SNTG2: variants seen among roughly 807,000 people sequenced by gnomAD.
SNTG2 encodes gamma-2-syntrophin.
Under a neutral mutation model 70.9 loss-of-function variants are expected in SNTG2, and 74 were observed. The observed-to-expected ratio is 1.04, with a 90% CI of 0.86 to 1.27. SNTG2 has a LOEUF of 1.27. Ranked by LOEUF, SNTG2 falls within the 50% of genes most tolerant of loss-of-function variation. SNTG2 has a pLI of 0.00. For missense variants in SNTG2, 717 were observed against 690.7 expected (o/e 1.04, Z -0.43); for synonymous variants, 278 against 273.8 (o/e 1.02, Z -0.15).
At chr2:981,454 T>G (rs1661091934) in intron 1 of SNTG2, among the ~76,000 whole-genome samples, 1 of 151,630 alleles carries the variant, frequency 6.6e-6, no homozygotes, top group South Asian at 2.1e-4. Flanking sequence ...AACACACAAA[T>G]GCATATGCAC....
intron 1 of SNTG2, among the ~76,000 whole-genome samples, chr2:1,047,565 G>A (rs746766405): frequency 2.0e-4 from 31 of 152,304 alleles, no homozygotes; most frequent in Admixed American, 1.7e-3. Flanking sequence ...AGAGGGCCAA[G>A]GCTTTGTGCT....
chr2:1,174,576 A>T (rs1011157371), intron 8 of SNTG2, among the ~76,000 whole-genome samples: 4 of 152,170 alleles, frequency 2.6e-5, no homozygotes, highest in Non-Finnish European at 5.9e-5. Flanking sequence ...TGAGTGCTAG[A>T]TTATACCAGG....
chr2:1,095,098 AAG>A (rs144679591), intron 2 of SNTG2, among the ~76,000 whole-genome samples: 23 of 151,380 alleles, frequency 1.5e-4, no homozygotes, highest in South Asian at 1.1e-3. Context: ...GAGAAAAAAA[AAG>A]AGAGAGAGAG....
At chr2:1,138,581 G>T (rs746899073) in intron 6 of SNTG2, among the ~76,000 whole-genome samples, 42 of 152,156 alleles carry the variant, frequency 2.8e-4, no homozygotes, top group Admixed American at 8.5e-4. Flanking sequence ...GTGAGATGAC[G>T]GGCAGAGCAG....
intron 14 of SNTG2, among the ~76,000 whole-genome samples, chr2:1,298,601 C>G (rs1022492125): frequency 6.6e-6 from 1 of 152,174 alleles, no homozygotes; most frequent in Non-Finnish European, 1.5e-5. Flanking sequence ...TTTCCACACC[C>G]GCCTTCCCTG....
chr2:1,253,225 C>T (rs1677865734), intron 12 of SNTG2, among the ~76,000 whole-genome samples: 1 of 151,988 alleles, frequency 6.6e-6, no homozygotes, highest in African/African-American at 2.4e-5. Context: ...CACCCACCCA[C>T]CCTCCTCCCC....
At chr2:963,984 C>T (rs976623984) in intron 1 of SNTG2, among the ~76,000 whole-genome samples, 2 of 152,116 alleles carry the variant, frequency 1.3e-5, no homozygotes, top group African/African-American at 4.8e-5. Context: ...GTTTCAGCTG[C>T]CTGCGTTTTC....
At chr2:1,283,745 G>A (rs539126709) in intron 14 of SNTG2, among the ~76,000 whole-genome samples, 1 of 152,314 alleles carries the variant, frequency 6.6e-6, no homozygotes, top group Non-Finnish European at 1.5e-5. Flanking sequence ...CAGTAGGTAT[G>A]CCCGGTCATT....
At chr2:1,236,589 C>A (rs1321496934) in intron 9 of SNTG2, among the ~76,000 whole-genome samples, 1 of 152,244 alleles carries the variant, frequency 6.6e-6, no homozygotes, top group African/African-American at 2.4e-5. Flanking sequence ...AGTAGATAAA[C>A]CTCACATTCT....
intron 1 of SNTG2, among the ~76,000 whole-genome samples, chr2:980,359 A>G (rs776641682): frequency 1.1e-4 from 17 of 152,210 alleles, no homozygotes; most frequent in Non-Finnish European, 2.5e-4. Flanking sequence ...ACAGCTGATG[A>G]TGAATAATTC....
At position 1,367,373 on chromosome 2, in the gene SNTG2, C is replaced by T. The variant is rs1317883832; in HGVS notation, c.1519C>T (p.Leu507=). 1 of 1,551,690 alleles carries T rather than the reference C, an allele frequency of 6.4e-7. No homozygotes were observed. Among genetic ancestry groups the T allele is most frequent in the South Asian group, 1.2e-5 (1 of 84,050 alleles). The change falls in exon 17 of 17, where the codon CTG becomes TTG. Residue 507 remains leucine (L), a synonymous_variant. Coordinates refer to ENST00000308624, the MANE Select transcript of SNTG2 (RefSeq NM_018968.4). ...CGAGTTCCAGGACCTGAGGGCTGTC[C>T]TGCACTGCATCCACTCCTTCATAGC... ...ELEFQDLRAV[L]HCIHSFIAAK...
chr2:1,182,250 G>A (rs1229898387), intron 8 of SNTG2, among the ~76,000 whole-genome samples: 2 of 151,842 alleles, frequency 1.3e-5, no homozygotes, highest in Non-Finnish European at 2.9e-5. Flanking sequence ...AGTCTAATGT[G>A]GGACTCACTA....
intron 4 of SNTG2, among the ~76,000 whole-genome samples, chr2:1,109,162 A>G (rs1666271677): frequency 6.6e-6 from 1 of 151,974 alleles, no homozygotes; most frequent in Non-Finnish European, 1.5e-5. Flanking sequence ...ATACTTTCGG[A>G]AAGCAAAAGC....
At chr2:1,110,580 C>G (rs1457420266) in intron 4 of SNTG2, among the ~76,000 whole-genome samples, 1 of 152,132 alleles carries the variant, frequency 6.6e-6, no homozygotes, top group Non-Finnish European at 1.5e-5. Context: ...GATGAATGCC[C>G]CCATTGTCCC....
Position 1,229,676 on chromosome 2 carries a change from C to T in SNTG2, c.720-8212C>T, listed in dbSNP as rs375184124. On this transcript the variant is annotated intron_variant, in intron 9 of 16. Transcript: ENST00000308624. Reference sequence around the variant, plus strand: ...CGGTGTTCATTGGGGAGGCTCGGGCCGCACAGGAGCCAATGGAGGGGGTGG... The same window carrying T: ...CGGTGTTCATTGGGGAGGCTCGGGCTGCACAGGAGCCAATGGAGGGGGTGG... Among the ~76,000 whole-genome samples, 88 of 152,204 alleles carry T rather than the reference C, an allele frequency of 5.8e-4. 2 individuals carry two copies. In the East Asian group the frequency reaches 0.015, roughly 26 times the overall value.
intron 15 of SNTG2, among the ~76,000 whole-genome samples, chr2:1,310,625 C>G (rs1333592401): frequency 6.6e-6 from 1 of 152,028 alleles, no homozygotes; most frequent in Non-Finnish European, 1.5e-5. Context: ...CTTCATTTCC[C>G]CGGTGAGTTT....
At chr2:1,140,202 T>C (rs559347274) in intron 6 of SNTG2, among the ~76,000 whole-genome samples, 10 of 152,368 alleles carry the variant, frequency 6.6e-5, no homozygotes, top group South Asian at 6.2e-4. Flanking sequence ...GTGAATCTTA[T>C]TCACTCTACT....
intron 16 of SNTG2, among the ~76,000 whole-genome samples, chr2:1,366,683 A>C (rs67439968): frequency 0.29 from 43,715 of 151,986 alleles, 6,356 homozygotes; most frequent in East Asian, 0.37. Flanking sequence ...CGTGCTGTGC[A>C]CACTGCCTAT....
At chr2:1,057,125 G>A (rs989794735) in intron 1 of SNTG2, among the ~76,000 whole-genome samples, 1 of 152,058 alleles carries the variant, frequency 6.6e-6, no homozygotes. Context: ...CCTGCAAGCA[G>A]CTGGCCTATT....
Sources: allele counts gnomAD v4.1 joint callset (sites outside exome capture counted in the v4.1 genomes callset), GRCh38; gene constraint gnomAD v4.1.1; transcripts MANE v1.5; gene names NCBI Gene and HGNC (gene_info 2026-07-23, HGNC 2026-07-21).